The following ENOX1 variants were observed in gnomAD, a reference collection of about 807,000 sequenced individuals.
ENOX1 encodes the protein candidate growth-related and time keeping constitutive hydroquinone (NADH) oxidase.
A neutral mutation model predicts 82.5 loss-of-function variants in ENOX1; 42 were observed. The observed-to-expected ratio is 0.51, with a 90% confidence interval of 0.40 to 0.66. The LOEUF (loss-of-function observed/expected upper bound fraction) is 0.66. ENOX1 is among the 30% of genes least tolerant of loss of function. The pLI, the probability that ENOX1 is intolerant of heterozygous loss-of-function variation, is 0.00. For missense variants in ENOX1, 608 were observed against 811.6 expected (o/e 0.75, Z 3.05); for synonymous variants, 271 against 282.2 (o/e 0.96, Z 0.40).
At position 43,304,926 on chromosome 13, in the gene ENOX1, G is replaced by A. The variant is rs533232487; in HGVS notation, c.1262-6396C>T. Among the ~76,000 whole-genome samples the A allele has an allele frequency of 2.6e-5, 4 of 151,736 alleles. No homozygotes were observed. The East Asian group carries it at 7.8e-4, about 30-fold the overall frequency. On this transcript the variant is annotated intron_variant, in intron 11 of 16. Transcript: ENST00000690772. ...GAACTCACCTATGTTTGATTTTTAAGGTGTCTGTGCCTTCAGTTAGAATAA... is the reference window on the plus strand; with the variant it reads ...GAACTCACCTATGTTTGATTTTTAAAGTGTCTGTGCCTTCAGTTAGAATAA...
intron 1 of ENOX1, among the ~76,000 whole-genome samples, chr13:43,741,188 G>A (rs1195037620): frequency 6.6e-6 from 1 of 151,294 alleles, no homozygotes; most frequent in Admixed American, 6.6e-5. Context: ...AGGTTCAAGA[G>A]ATTCTTCTGC....
intron 11 of ENOX1, among the ~76,000 whole-genome samples, chr13:43,308,203 C>T (rs1361177126): frequency 6.6e-6 from 1 of 152,174 alleles, no homozygotes; most frequent in Non-Finnish European, 1.5e-5. Context: ...GAGGATACTC[C>T]AAATGTGCCC....
At chr13:43,331,455 G>A (rs1566531102) in intron 9 of ENOX1, among the ~76,000 whole-genome samples, 2 of 152,084 alleles carry the variant, frequency 1.3e-5, no homozygotes, top group Non-Finnish European at 2.9e-5. Flanking sequence ...AATGCTATCT[G>A]GGCTCATGTT....
intron 2 of ENOX1, among the ~76,000 whole-genome samples, chr13:43,574,035 G>T (rs2080302717): frequency 6.6e-6 from 1 of 152,156 alleles, no homozygotes; most frequent in Admixed American, 6.5e-5. Context: ...ATGCCTTTAA[G>T]CCCTTGACCT....
intron 12 of ENOX1, among the ~76,000 whole-genome samples, chr13:43,277,969 G>A (rs1340169545): frequency 2.6e-5 from 4 of 152,090 alleles, no homozygotes; most frequent in Middle Eastern, 3.2e-3. Flanking sequence ...CACCAAGGAC[G>A]GGGCCTGGGC....
At chr13:43,475,040 T>A (rs907963916) in intron 3 of ENOX1, among the ~76,000 whole-genome samples, 2 of 152,106 alleles carry the variant, frequency 1.3e-5, no homozygotes, top group African/African-American at 4.8e-5. Flanking sequence ...AGTGAGTTGA[T>A]TTTCTAAAGT....
intron 2 of ENOX1, among the ~76,000 whole-genome samples, chr13:43,622,058 C>T (rs2082757309): frequency 6.6e-6 from 1 of 152,136 alleles, no homozygotes; most frequent in East Asian, 1.9e-4. Context: ...TGAGACTTTC[C>T]AGAGCAAAAA....
chr13:43,444,707 G>C (rs932898556), intron 3 of ENOX1, among the ~76,000 whole-genome samples: 2 of 152,232 alleles, frequency 1.3e-5, no homozygotes, highest in African/African-American at 4.8e-5. Context: ...GTGTATAAGA[G>C]AGGTACAAAA....
Position 43,754,309 on chromosome 13 carries a change from A to G in ENOX1, c.-285+32343T>C, listed in dbSNP as rs113439478. On this transcript the variant is annotated intron_variant, in intron 1 of 16. Transcript: ENST00000690772. ...TATATACACATATATGCGTGTATGT[A>G]TGTGTGTGTGTGTGTATATATATAT... 4.6e-3 allele frequency among the ~76,000 whole-genome samples: 652 copies of G among 140,644 alleles called. 7 individuals are homozygous for G. Among genetic ancestry groups the G allele is most frequent in the African/African-American group, 0.016 (602 of 37,910 alleles). 92.3% of individuals were successfully genotyped at this position (140,644 alleles called of 152,430 possible).
intron 2 of ENOX1, among the ~76,000 whole-genome samples, chr13:43,594,846 A>G (rs1239329449): frequency 6.6e-6 from 1 of 152,004 alleles, no homozygotes; most frequent in East Asian, 1.9e-4. Context: ...ATTTTCCTTC[A>G]AGAGACTCTG....
chr13:43,395,412 A>C (rs1407799762), intron 5 of ENOX1, among the ~76,000 whole-genome samples: 1 of 152,100 alleles, frequency 6.6e-6, no homozygotes, highest in Non-Finnish European at 1.5e-5. Context: ...GTTACTCAGG[A>C]GACTGAGGTA....
chr13:43,552,104 C>A, intron 2 of ENOX1, among the ~76,000 whole-genome samples: 1 of 151,924 alleles, frequency 6.6e-6, no homozygotes, highest in East Asian at 1.9e-4. Flanking sequence ...GATCTCTTAC[C>A]AACCCTCTTT....
chr13:43,287,337 C>T (rs2045752945), intron 12 of ENOX1, among the ~76,000 whole-genome samples: 1 of 152,184 alleles, frequency 6.6e-6, no homozygotes, highest in Admixed American at 6.5e-5. Context: ...TAAGCCTCAA[C>T]ATCTTTTCAT....
At chr13:43,771,600 G>C (rs1594756119) in intron 1 of ENOX1, among the ~76,000 whole-genome samples, 1 of 152,262 alleles carries the variant, frequency 6.6e-6, no homozygotes, top group East Asian at 1.9e-4. Context: ...GGAAGTGACA[G>C]GTCTAAGAGG....
chr13:43,466,161 A>G (rs2057709110), intron 3 of ENOX1, among the ~76,000 whole-genome samples: 1 of 151,504 alleles, frequency 6.6e-6, no homozygotes, highest in African/African-American at 2.4e-5. Context: ...TATATTGTCT[A>G]TTTTTTTGAT....
At chr13:43,763,478 T>C (rs2153836105) in intron 1 of ENOX1, among the ~76,000 whole-genome samples, 1 of 152,290 alleles carries the variant, frequency 6.6e-6, no homozygotes, top group South Asian at 2.1e-4. Flanking sequence ...GACACACACA[T>C]TCAGTCTATA....
At chr13:43,592,637 A>G (rs1244549308) in intron 2 of ENOX1, among the ~76,000 whole-genome samples, 1 of 152,232 alleles carries the variant, frequency 6.6e-6, no homozygotes, top group African/African-American at 2.4e-5. Flanking sequence ...TATGCTGTAA[A>G]TGCTATCTTA....
At position 43,317,865 on chromosome 13, in the gene ENOX1, C is replaced by T. The variant is rs557785856; in HGVS notation, c.1261+4519G>A. Among the ~76,000 whole-genome samples, 160 of 152,024 alleles carry T rather than the reference C, an allele frequency of 1.1e-3. 1 individual carries two copies. Among genetic ancestry groups the T allele is most frequent in the African/African-American group, 3.6e-3 (149 of 41,468 alleles). ...CTAAAAATACAAAAAATTAGCCAGG[C>T]GTGGTGGCGGGTGCCTGTAGTCCTA... On this transcript the variant is annotated intron_variant, in intron 11 of 16. Coordinates refer to ENST00000690772, the MANE Select transcript of ENOX1 (RefSeq NM_001347969.2).
intron 2 of ENOX1, among the ~76,000 whole-genome samples, chr13:43,627,020 C>T (rs2082993908): frequency 1.3e-5 from 2 of 151,878 alleles, no homozygotes; most frequent in South Asian, 2.1e-4. Context: ...GTAGATTGAC[C>T]TTTGCATCAT....
Sources: gnomAD v4.1 joint callset for allele counts (sites outside exome capture counted in the v4.1 genomes callset) on GRCh38, gnomAD v4.1.1 for gene constraint, MANE v1.5 for transcripts, NCBI Gene and HGNC (gene_info 2026-07-23, HGNC 2026-07-21) for gene names.